The following PPP3CA variants were observed in gnomAD, a reference collection of about 807,000 sequenced individuals.
The protein encoded by PPP3CA is protein phosphatase 3 catalytic subunit alpha, also known as CAM-PRP catalytic subunit.
A neutral mutation model predicts 66.5 loss-of-function variants in PPP3CA; 14 were observed. The observed-to-expected ratio is 0.21, with a 90% CI of 0.14 to 0.33. The LOEUF is 0.33. Ranked by LOEUF, PPP3CA falls within the 10% of genes least tolerant of loss-of-function variation. The pLI, the probability that PPP3CA is intolerant of heterozygous loss-of-function variation, is 1.00. For missense variants in PPP3CA, 317 were observed against 639.5 expected (o/e 0.50, Z 5.44); for synonymous variants, 232 against 226.2 (o/e 1.03, Z -0.23).
intron 1 of PPP3CA, among the ~76,000 whole-genome samples, chr4:101,253,313 G>A (rs963957397): frequency 6.6e-6 from 1 of 152,080 alleles, no homozygotes; most frequent in East Asian, 1.9e-4. Context: ...GAAGCAGATG[G>A]TGAATGTTAA....
Position 101,318,621 on chromosome 4 carries a change from T to A in PPP3CA, c.58+28118A>T, listed in dbSNP as rs529787972. ...GTATATCCAGTATATAGTACAAGCA[T>A]AAAAGTATGCAGTAGATACTAAGAA... On this transcript the variant is annotated intron_variant, in intron 1 of 13. Coordinates refer to ENST00000394854, the MANE Select transcript of PPP3CA (RefSeq NM_000944.5). Among the ~76,000 whole-genome samples the A allele has an allele frequency of 3.9e-5, 6 of 152,270 alleles. No individual in the cohort carries two copies. The South Asian group carries it at 1.2e-3, about 32-fold the overall frequency.
chr4:101,026,828 T>C (rs1726676804), intron 13 of PPP3CA, among the ~76,000 whole-genome samples: 2 of 152,148 alleles, frequency 1.3e-5, no homozygotes, highest in African/African-American at 4.8e-5. Flanking sequence ...TATCCATTAC[T>C]GCCTAAATGA....
chr4:101,328,834 C>T (rs778997890), intron 1 of PPP3CA, among the ~76,000 whole-genome samples: 10 of 152,116 alleles, frequency 6.6e-5, no homozygotes, highest in Non-Finnish European at 1.5e-4. Context: ...TAAAGCACCT[C>T]ATGTCACACC....
intron 1 of PPP3CA, among the ~76,000 whole-genome samples, chr4:101,232,589 A>G (rs2110225178): frequency 6.6e-6 from 1 of 151,852 alleles, no homozygotes; most frequent in East Asian, 1.9e-4. Flanking sequence ...TGGTCTCAAT[A>G]CCTTATGACT....
rs371459756 is a variant in PPP3CA, at chr4:101,153,161, G to A, written c.259+42755C>T. Among the ~76,000 whole-genome samples the A allele has an allele frequency of 9.9e-5, 15 of 152,278 alleles. No homozygotes were observed. The South Asian group carries it at 1.9e-3, about 19-fold the overall frequency. ...GTAAAGTGTTTGGATTCTATCCAAA[G>A]GGCAAAGAGATGCTATTAAAGGGTT... On this transcript the variant is annotated intron_variant, in intron 2 of 13. Coordinates refer to ENST00000394854, the MANE Select transcript of PPP3CA (RefSeq NM_000944.5).
At chr4:101,115,354 A>AG (rs1464687577) in intron 2 of PPP3CA, among the ~76,000 whole-genome samples, 1 of 151,978 alleles carries the variant, frequency 6.6e-6, no homozygotes, top group East Asian at 1.9e-4. Flanking sequence ...ACCAGAACCA[A>AG]GCATTTGCCT....
At chr4:101,137,284 T>G (rs959743350) in intron 2 of PPP3CA, among the ~76,000 whole-genome samples, 8 of 152,100 alleles carry the variant, frequency 5.3e-5, no homozygotes, top group Admixed American at 3.9e-4. Context: ...CCTAGGATTA[T>G]TTCATCCCAA....
At chr4:101,255,457 T>C (rs183745846) in intron 1 of PPP3CA, among the ~76,000 whole-genome samples, 2 of 152,012 alleles carry the variant, frequency 1.3e-5, no homozygotes, top group African/African-American at 4.8e-5. Flanking sequence ...CATAAATTGT[T>C]CACTAGCACT....
intron 1 of PPP3CA, among the ~76,000 whole-genome samples, chr4:101,251,884 T>C (rs1255632872): frequency 6.6e-6 from 1 of 152,140 alleles, no homozygotes; most frequent in Non-Finnish European, 1.5e-5. Flanking sequence ...CCAAAGGTAC[T>C]GACTGTTGAA....
chr4:101,332,723 A>G (rs150189316), intron 1 of PPP3CA, among the ~76,000 whole-genome samples: 80 of 152,368 alleles, frequency 5.3e-4, no homozygotes, highest in African/African-American at 1.8e-3. Flanking sequence ...TCGTCGTTAC[A>G]ACAACCTTAA....
At chr4:101,225,604 T>C (rs1479354041) in intron 1 of PPP3CA, among the ~76,000 whole-genome samples, 1 of 151,760 alleles carries the variant, frequency 6.6e-6, no homozygotes, top group Non-Finnish European at 1.5e-5. Flanking sequence ...GCACAGCAAA[T>C]TAGGATTTTA....
At chr4:101,230,270 A>C (rs1401339307) in intron 1 of PPP3CA, among the ~76,000 whole-genome samples, 2 of 151,622 alleles carry the variant, frequency 1.3e-5, no homozygotes, top group Non-Finnish European at 3.0e-5. Flanking sequence ...CCCCACCTGC[A>C]ATTCCTAATT....
intron 1 of PPP3CA, among the ~76,000 whole-genome samples, chr4:101,294,557 T>A (rs1728133136): frequency 1.3e-5 from 2 of 152,116 alleles, no homozygotes; most frequent in Admixed American, 1.3e-4. Flanking sequence ...TTAAGGCCTA[T>A]ATTTGTCTCT....
intron 1 of PPP3CA, among the ~76,000 whole-genome samples, chr4:101,278,144 A>AAAAAAAAT (rs1163329750): frequency 2.1e-5 from 3 of 145,174 alleles, no homozygotes; most frequent in African/African-American, 7.8e-5. Context: ...AAAAAATAAA[A>AAAAAAAAT]AAATTAAAAA....
chr4:101,143,304 T>G (rs1425488983), intron 2 of PPP3CA, among the ~76,000 whole-genome samples: 1 of 152,188 alleles, frequency 6.6e-6, no homozygotes, highest in African/African-American at 2.4e-5. Context: ...ATTTACTCCC[T>G]TTCTTCTATT....
At chr4:101,287,785 G>C (rs1171822536) in intron 1 of PPP3CA, among the ~76,000 whole-genome samples, 1 of 147,540 alleles carries the variant, frequency 6.8e-6, no homozygotes, top group Non-Finnish European at 1.5e-5. Flanking sequence ...TTTTTTAATT[G>C]ATGTGAGGAA....
intron 10 of PPP3CA, among the ~76,000 whole-genome samples, chr4:101,060,606 C>G (rs546596517): frequency 2.6e-5 from 4 of 152,148 alleles, no homozygotes; most frequent in African/African-American, 9.6e-5. Context: ...TTACCTATTA[C>G]TACAGAAAGA....
chr4:101,336,868 T>C (rs1729650049), intron 1 of PPP3CA, among the ~76,000 whole-genome samples: 1 of 152,210 alleles, frequency 6.6e-6, no homozygotes, highest in African/African-American at 2.4e-5. Flanking sequence ...ACATTAGAGA[T>C]AGCCTAAGCT....
chr4:101,093,808 G>T lies in PPP3CA; in HGVS notation c.750C>A (p.His250Gln). The T allele has an allele frequency of 1.9e-6, 3 of 1,613,210 alleles. No homozygotes were observed. The highest frequency in any genetic ancestry group is 2.5e-6 in the Non-Finnish European group (3 of 1,179,456). ...GNEKTQEHFT[H>Q]NTVRGCSYFY... Reference sequence around the variant, plus strand: ...AGTATGAACACCCCCTGACTGTGTTGTGAGTGAAATGTTCCTGAGTCTTCT... The same window carrying T: ...AGTATGAACACCCCCTGACTGTGTTTTGAGTGAAATGTTCCTGAGTCTTCT... The change falls in exon 6 of 14, where the codon CAC (histidine) becomes CAA (glutamine). Residue 250 changes from histidine to glutamine, a missense_variant. Transcript: ENST00000394854.
Sources: allele counts gnomAD v4.1 joint callset (sites outside exome capture counted in the v4.1 genomes callset), GRCh38; gene constraint gnomAD v4.1.1; transcripts MANE v1.5; gene names NCBI Gene and HGNC (gene_info 2026-07-23, HGNC 2026-07-21).